OPCML: variants seen among roughly 807,000 people sequenced by gnomAD.
OPCML encodes the protein opioid-binding protein/cell adhesion molecule.
Under a neutral mutation model 37.8 loss-of-function variants are expected in OPCML, and 13 were observed. That is an observed-to-expected ratio of 0.34 (90% confidence interval 0.22 to 0.55). The LOEUF (loss-of-function observed/expected upper bound fraction) is 0.55. Ranked by LOEUF, OPCML falls within the 20% of genes least tolerant of loss-of-function variation. The pLI, the probability that OPCML is intolerant of heterozygous loss-of-function variation, is 0.91. For missense variants in OPCML, 341 were observed against 435.6 expected (o/e 0.78, Z 1.93); for synonymous variants, 176 against 168.8 (o/e 1.04, Z -0.33).
intron 1 of OPCML, among the ~76,000 whole-genome samples, chr11:133,233,113 C>T (rs1940349472): frequency 1.3e-5 from 2 of 152,170 alleles, no homozygotes; most frequent in Non-Finnish European, 1.5e-5. Context: ...AGCAGCTAAG[C>T]TTATTCCTAA....
At chr11:133,485,226 T>G (rs943172818) in intron 1 of OPCML, among the ~76,000 whole-genome samples, 2 of 152,200 alleles carry the variant, frequency 1.3e-5, no homozygotes, top group Admixed American at 1.3e-4. Context: ...AAGCAATAGC[T>G]TTGTTTTACA....
intron 7 of OPCML, among the ~76,000 whole-genome samples, chr11:132,422,883 A>G (rs1381064179): frequency 6.6e-6 from 1 of 152,192 alleles, no homozygotes; most frequent in Non-Finnish European, 1.5e-5. Flanking sequence ...GAAACAATGG[A>G]CTGGGAATGC....
intron 1 of OPCML, among the ~76,000 whole-genome samples, chr11:133,020,613 A>G (rs745786528): frequency 1.3e-5 from 2 of 152,094 alleles, no homozygotes; most frequent in African/African-American, 2.4e-5. Flanking sequence ...CTTTTCTGGG[A>G]ACTCAGGATT....
At chr11:133,045,086 G>A (rs557509721) in intron 1 of OPCML, among the ~76,000 whole-genome samples, 5 of 152,248 alleles carry the variant, frequency 3.3e-5, no homozygotes, top group South Asian at 2.1e-4. Context: ...ATCCCCAGTC[G>A]AAGAAGCCCA....
At chr11:132,624,545 T>C (rs189124113) in intron 3 of OPCML, among the ~76,000 whole-genome samples, 174 of 152,276 alleles carry the variant, frequency 1.1e-3, no homozygotes, top group African/African-American at 4.0e-3. Context: ...CTCAGATCAC[T>C]GGGCTCCAAT....
intron 2 of OPCML, among the ~76,000 whole-genome samples, chr11:132,830,295 C>T (rs1450974180): frequency 2.0e-5 from 3 of 152,168 alleles, no homozygotes; most frequent in South Asian, 2.1e-4. Flanking sequence ...TTGATTTCCC[C>T]ATATGGTAAG....
intron 1 of OPCML, among the ~76,000 whole-genome samples, chr11:133,193,030 TG>T (rs1202880620): frequency 1.3e-5 from 2 of 152,150 alleles, no homozygotes; most frequent in Admixed American, 6.5e-5. Context: ...AAAATAACCA[TG>T]GGTACAAAGA....
intron 2 of OPCML, among the ~76,000 whole-genome samples, chr11:132,747,499 G>A (rs1945671767): frequency 6.6e-6 from 1 of 152,140 alleles, no homozygotes; most frequent in Admixed American, 6.6e-5. Context: ...CCAACACAGA[G>A]AAATTTTGGT....
At chr11:133,457,382 T>A (rs534923687) in intron 1 of OPCML, among the ~76,000 whole-genome samples, 4 of 151,724 alleles carry the variant, frequency 2.6e-5, no homozygotes, top group Admixed American at 6.6e-5. Flanking sequence ...AAATAAAAAA[T>A]TTAAAAATCA....
chr11:132,805,561 T>G (rs899819268), intron 2 of OPCML, among the ~76,000 whole-genome samples: 5 of 151,996 alleles, frequency 3.3e-5, no homozygotes, highest in Non-Finnish European at 7.4e-5. Flanking sequence ...ACAACAGCAA[T>G]AGCAACACTC....
chr11:133,027,168 C>T (rs1947569964), intron 1 of OPCML, among the ~76,000 whole-genome samples: 1 of 152,198 alleles, frequency 6.6e-6, no homozygotes, highest in Non-Finnish European at 1.5e-5. Flanking sequence ...TTCACAGTTT[C>T]AACACTAAGC....
At chr11:133,368,315 G>C (rs1944596425) in intron 1 of OPCML, among the ~76,000 whole-genome samples, 1 of 151,884 alleles carries the variant, frequency 6.6e-6, no homozygotes, top group South Asian at 2.1e-4. Flanking sequence ...TGAAGAGAAA[G>C]AGGTGAGGGA....
At chr11:132,952,232 G>A (rs1945875881) in intron 1 of OPCML, among the ~76,000 whole-genome samples, 1 of 152,134 alleles carries the variant, frequency 6.6e-6, no homozygotes, top group Admixed American at 6.5e-5. Flanking sequence ...GGGGCCCTCT[G>A]GTCATGGAGC....
At chr11:132,450,121 A>G (rs951076189) in intron 4 of OPCML, among the ~76,000 whole-genome samples, 38 of 152,128 alleles carry the variant, frequency 2.5e-4, no homozygotes, top group Admixed American at 2.4e-3. Flanking sequence ...CCCAGGGGAG[A>G]CAGACCCCTG....
rs2136279600 is a variant in OPCML at position 133,177,335 on chromosome 11, GA to G, written c.62-234326del. Among the ~76,000 whole-genome samples, 1 of 152,296 alleles carries G rather than the reference GA, an allele frequency of 6.6e-6. No homozygotes were observed. The highest frequency in any genetic ancestry group is 2.4e-5 in the African/African-American group (1 of 41,556). On this transcript the variant is annotated intron_variant, in intron 1 of 7. Coordinates refer to ENST00000524381, the MANE Select transcript of OPCML (RefSeq NM_001012393.5). This position sits in a 1 kb window ranked among gnomAD's most constrained non-coding sequence, Gnocchi z 5.0. ...CTTTTTAAGATTCTATCATTTGAAG[GA>G]AGGAAGTGGAGAGGGCTATAAATTC...
intron 1 of OPCML, among the ~76,000 whole-genome samples, chr11:132,991,356 G>A (rs1004656182): frequency 6.6e-6 from 1 of 152,174 alleles, no homozygotes; most frequent in African/African-American, 2.4e-5. Flanking sequence ...CAATATACAA[G>A]CCCCTAATAG....
At chr11:132,772,877 T>C (rs1474268720) in intron 2 of OPCML, 1 of 151,702 alleles carries the variant, frequency 6.6e-6, no homozygotes, top group African/African-American at 2.4e-5. Context: ...AGAGGCAGAG[T>C]GTGATCAAAG....
At position 133,394,172 on chromosome 11, in the gene OPCML, G is replaced by A. The variant is rs998058011; in HGVS notation, c.61+138092C>T. Among the ~76,000 whole-genome samples the A allele has an allele frequency of 5.9e-5, 9 of 152,262 alleles. No homozygotes were observed. In the South Asian group the frequency reaches 8.3e-4, roughly 14 times the overall value. On this transcript the variant is annotated intron_variant, in intron 1 of 7. Coordinates refer to ENST00000524381, the MANE Select transcript of OPCML (RefSeq NM_001012393.5). ...ATGGCATCACTGGGCTTCTGGTCTC[G>A]CAGGCTCATAAACTCAGAGCCAACA...
At chr11:133,106,298 GGGCCTGCA>G (rs1949156411) in intron 1 of OPCML, among the ~76,000 whole-genome samples, 1 of 152,164 alleles carries the variant, frequency 6.6e-6, no homozygotes, top group South Asian at 2.1e-4. Flanking sequence ...CTGTCCATTT[GGGCCTGCA>G]GGTTTCTAGA....
Sources: gnomAD v4.1 joint callset for allele counts (sites outside exome capture counted in the v4.1 genomes callset) on GRCh38, gnomAD v4.1.1 for gene constraint, Gnocchi (gnomAD v3.1) non-coding constraint, MANE v1.5 for transcripts, NCBI Gene and HGNC (gene_info 2026-07-23, HGNC 2026-07-21) for gene names.